The following PIEZO2 variants were observed in gnomAD, a reference collection of about 807,000 sequenced individuals.
PIEZO2 encodes piezo-type mechanosensitive ion channel component 2.
Under a neutral mutation model 337.3 loss-of-function variants are expected in PIEZO2, and 172 were observed. The observed-to-expected ratio is 0.51, with a 90% CI of 0.45 to 0.58. The LOEUF is 0.58. Among genes scored for constraint, PIEZO2 ranks in the 20% least tolerant of loss-of-function variants. The pLI is 0.00. For missense variants in PIEZO2, 3,028 were observed against 3,391.3 expected (o/e 0.89, Z 2.66); for synonymous variants, 1,251 against 1,228.5 (o/e 1.02, Z -0.38).
intron 31 of PIEZO2, among the ~76,000 whole-genome samples, chr18:10,743,477 A>T (rs1361736354): frequency 6.6e-6 from 1 of 152,204 alleles, no homozygotes; most frequent in Non-Finnish European, 1.5e-5. Flanking sequence ...GGAATTCCCA[A>T]GTCTCCGGAG....
rs1488078121 is a variant in PIEZO2, at chr18:10,847,206, CGCTGGCCAGA to C, written c.917+8137_917+8146del. On this transcript the variant is annotated intron_variant, in intron 7 of 55. Coordinates refer to ENST00000674853, the MANE Select transcript of PIEZO2 (RefSeq NM_001378183.1). This position sits in a 1 kb window ranked among gnomAD's most constrained non-coding sequence, Gnocchi z 5.7. ...AAATCAGTGGAACCCATGTGATGCT[CGCTGGCCAGA>C]TGACATGACGGCAGCCGGGGCAGGT... Among the ~76,000 whole-genome samples, 2 of 152,196 alleles carry C rather than the reference CGCTGGCCAGA, an allele frequency of 1.3e-5. No individual in the cohort carries two copies. Among genetic ancestry groups the C allele is most frequent in the Non-Finnish European group, 2.9e-5 (2 of 68,036 alleles).
intron 42 of PIEZO2, among the ~76,000 whole-genome samples, chr18:10,702,636 A>G (rs2035391852): frequency 6.6e-6 from 1 of 152,220 alleles, no homozygotes; most frequent in South Asian, 2.1e-4. Flanking sequence ...ACTTTCCTCC[A>G]TCATATCTGT....
rs913151779 is a variant in PIEZO2 at position 10,766,984 on chromosome 18, C to T, written c.2946+3164G>A. ...TCCTTCCTTCCTTCCTCCCACCTTC[C>T]ATTCCCTCCCCTCCCCTCCCCTCCC... On this transcript the variant is annotated intron_variant, in intron 21 of 55. Coordinates refer to ENST00000674853, the MANE Select transcript of PIEZO2 (RefSeq NM_001378183.1). The surrounding 1 kb of genome is among the most constrained non-coding windows in gnomAD (Gnocchi z 6.1). Among the ~76,000 whole-genome samples, 6 of 151,282 alleles carry T rather than the reference C, an allele frequency of 4.0e-5. No homozygotes were observed. Among genetic ancestry groups the T allele is most frequent in the African/African-American group, 1.5e-4 (6 of 41,332 alleles).
rs79261438 is a variant in PIEZO2 at position 10,750,152 on chromosome 18, G to C, written c.4203C>G (p.His1401Gln). The C allele has an allele frequency of 0.03, 45,890 of 1,536,630 alleles. 791 individuals are homozygous for C. Among genetic ancestry groups the C allele is most frequent in the Middle Eastern group, 0.045 (269 of 5,984 alleles). The change falls in exon 29 of 56, where the codon CAC becomes CAG. Residue 1401 changes from histidine (H) to glutamine (Q), a missense_variant. His to Gln is a conservative substitution (Grantham distance 24, BLOSUM62 0). This residue lies in a region of PIEZO2 where 1,925 missense variants were observed against 2,051.9 expected (regional missense o/e 0.94). Transcript: ENST00000674853. This position sits in a 1 kb window ranked among gnomAD's most constrained non-coding sequence, Gnocchi z 4.1. ...GACGYIGTLVHNSCWLIQAFS... is the reference protein window; with the variant it reads ...GACGYIGTLVQNSCWLIQAFS... ...AAGCCTGGATCAACCAACAACTATTGTGCACCAATGTTCCAATGTATCCAC... is the reference window on the plus strand; with the variant it reads ...AAGCCTGGATCAACCAACAACTATTCTGCACCAATGTTCCAATGTATCCAC...
At chr18:11,044,209 A>G (rs889985124) in intron 2 of PIEZO2, among the ~76,000 whole-genome samples, 4 of 149,820 alleles carry the variant, frequency 2.7e-5, no homozygotes, top group Non-Finnish European at 5.9e-5. Context: ...TTATACATAA[A>G]ATATATATTT....
In PIEZO2 at chr18:11,002,230, C is replaced by A. The variant is rs1025545556; in HGVS notation, c.161-22570G>T. On this transcript the variant is annotated intron_variant, in intron 2 of 55. Transcript: ENST00000674853. The surrounding 1 kb of genome is among the most constrained non-coding windows in gnomAD (Gnocchi z 4.3). The stretch of plus-strand genomic sequence containing the variant: ...AATATTTTTCTCTTGATTTTTTCAA[C>A]CATTTACATTCGCTCCTAGGTCATA... Among the ~76,000 whole-genome samples the A allele has an allele frequency of 2.0e-5, 3 of 152,162 alleles. No homozygotes were observed. Among genetic ancestry groups the A allele is most frequent in the African/African-American group, 7.2e-5 (3 of 41,428 alleles).
intron 11 of PIEZO2, among the ~76,000 whole-genome samples, chr18:10,798,931 G>A (rs1291851513): frequency 1.4e-5 from 2 of 143,592 alleles, no homozygotes; most frequent in East Asian, 4.8e-4. Context: ...AAACAGTAGA[G>A]TTTGAAGCTA....
At chr18:11,100,047 T>C (rs927796250) in intron 1 of PIEZO2, among the ~76,000 whole-genome samples, 9 of 152,152 alleles carry the variant, frequency 5.9e-5, no homozygotes, top group African/African-American at 2.2e-4. Context: ...AGTAAGTGTA[T>C]TTTAAAATGC....
At position 11,102,893 on chromosome 18, in the gene PIEZO2, T is replaced by G. The variant is rs1452542398; in HGVS notation, c.65-36671A>C. Reference sequence around the variant, plus strand: ...CACAGCACTTTCCAGTTTTGCCACTTGAGAGAGACTGAATCTATTTTTCCA... The same window carrying G: ...CACAGCACTTTCCAGTTTTGCCACTGGAGAGAGACTGAATCTATTTTTCCA... On this transcript the variant is annotated intron_variant, in intron 1 of 55. Transcript: ENST00000674853. The surrounding 1 kb of genome is among the most constrained non-coding windows in gnomAD (Gnocchi z 5.7). Among the ~76,000 whole-genome samples the G allele has an allele frequency of 1.3e-5, 2 of 152,140 alleles. No homozygotes were observed. Among genetic ancestry groups the G allele is most frequent in the Non-Finnish European group, 1.5e-5 (1 of 68,024 alleles).
intron 2 of PIEZO2, among the ~76,000 whole-genome samples, chr18:11,023,275 T>A (rs2036383586): frequency 6.6e-6 from 1 of 151,956 alleles, no homozygotes; most frequent in South Asian, 2.1e-4. Flanking sequence ...GAGAGCCGAG[T>A]GGTCTGTTTT....
intron 18 of PIEZO2, among the ~76,000 whole-genome samples, 167 bp downstream of exon 18, chr18:10,780,158 G>A (rs537707152): frequency 5.9e-5 from 9 of 152,252 alleles, no homozygotes; most frequent in African/African-American, 1.7e-4. Context: ...GGCACCAGTC[G>A]GTACAGATAC....
In PIEZO2 at chr18:10,837,324, C is replaced by T. The variant is rs879578537; in HGVS notation, c.917+18029G>A. Among the ~76,000 whole-genome samples the T allele has an allele frequency of 6.6e-6, 1 of 152,228 alleles. No homozygotes were observed. The highest frequency in any genetic ancestry group is 1.5e-5 in the Non-Finnish European group (1 of 68,042). On this transcript the variant is annotated intron_variant, in intron 7 of 55. Coordinates refer to ENST00000674853, the MANE Select transcript of PIEZO2 (RefSeq NM_001378183.1). This position sits in a 1 kb window ranked among gnomAD's most constrained non-coding sequence, Gnocchi z 4.4. ...TCCTCAAGGGAAGAAAAGAAGTCCCCTGTGAGGGGAACACAGCATCTTCTG... is the reference window on the plus strand; with the variant it reads ...TCCTCAAGGGAAGAAAAGAAGTCCCTTGTGAGGGGAACACAGCATCTTCTG...
rs772476063 is a variant in PIEZO2 at position 10,888,514 on chromosome 18, G to A, written c.330-17099C>T. On this transcript the variant is annotated intron_variant, in intron 4 of 55. Coordinates refer to ENST00000674853, the MANE Select transcript of PIEZO2 (RefSeq NM_001378183.1). This position sits in a 1 kb window ranked among gnomAD's most constrained non-coding sequence, Gnocchi z 4.1. ...CTTGGAGTAGCATTGTTACGGGGGC[G>A]ACATTGCTTCTGGGTCCTCTTATTT... Among the ~76,000 whole-genome samples the A allele has an allele frequency of 3.7e-4, 56 of 152,034 alleles. No homozygotes were observed. Among genetic ancestry groups the A allele is most frequent in the Admixed American group, 9.8e-4 (15 of 15,248 alleles).
intron 1 of PIEZO2, among the ~76,000 whole-genome samples, chr18:11,145,333 T>C (rs1368641009): frequency 6.8e-6 from 1 of 147,910 alleles, no homozygotes; most frequent in Non-Finnish European, 1.5e-5. Flanking sequence ...TTATCACTTC[T>C]CTTAAAATTT....
rs764040267 is a variant in PIEZO2, at chr18:10,696,155, A to C, written c.7109T>G (p.Leu2370Arg). ...AATGACCTGGAAGATGACCTTTCCC[A>C]GTACAGTCTTCCTGAGGTAGAGGGC... is the stretch of plus-strand genomic sequence containing the variant. ...DRALYLRKTV[L>R]GKVIFQVILV... The change falls in exon 47 of 56, where the codon CTG becomes CGG. Residue 2370 changes from leucine to arginine, a missense_variant. Transcript: ENST00000674853. 6.2e-7 allele frequency: 1 copy of C among 1,614,182 alleles called. No homozygotes were observed. The highest frequency in any genetic ancestry group is 1.7e-5 in the Admixed American group (1 of 60,028).
intron 2 of PIEZO2, among the ~76,000 whole-genome samples, chr18:10,995,324 G>GT (rs780036199): frequency 3.3e-5 from 5 of 152,060 alleles, no homozygotes; most frequent in Non-Finnish European, 7.4e-5. Flanking sequence ...GGGATTGTTT[G>GT]TTTTTTCTTG....
intron 2 of PIEZO2, among the ~76,000 whole-genome samples, chr18:11,062,432 C>T (rs1411626989): frequency 3.3e-5 from 5 of 152,114 alleles, no homozygotes; most frequent in Admixed American, 1.3e-4. Context: ...ACTAAAGAGC[C>T]TCTGCACAGC....
In PIEZO2 at chr18:10,847,339, T is replaced by G. The variant is rs2041397526; in HGVS notation, c.917+8014A>C. 6.6e-6 allele frequency among the ~76,000 whole-genome samples: 1 copy of G among 152,184 alleles called. No individual in the cohort carries two copies. Among genetic ancestry groups the G allele is most frequent in the Non-Finnish European group, 1.5e-5 (1 of 68,026 alleles). On this transcript the variant is annotated intron_variant, in intron 7 of 55. Coordinates refer to ENST00000674853, the MANE Select transcript of PIEZO2 (RefSeq NM_001378183.1). The surrounding 1 kb of genome is among the most constrained non-coding windows in gnomAD (Gnocchi z 5.7). ...ATTCTAGGTGCCCACAGAGGCATCT[T>G]CTCCATAAAAACTGAAAGGAAGACC...
At chr18:11,084,374 G>A (rs2038849786) in intron 1 of PIEZO2, among the ~76,000 whole-genome samples, 1 of 152,184 alleles carries the variant, frequency 6.6e-6, no homozygotes, top group African/African-American at 2.4e-5. Context: ...CCTTCTTTCA[G>A]GTGAGTTCCA....
Sources: gnomAD v4.1 joint callset for allele counts (sites outside exome capture counted in the v4.1 genomes callset) on GRCh38, gnomAD v4.1.1 for gene constraint, gnomAD v4.1.1 regional missense constraint, Gnocchi (gnomAD v3.1) non-coding constraint, MANE v1.5 for transcripts, NCBI Gene and HGNC (gene_info 2026-07-23, HGNC 2026-07-21) for gene names.